Variants in SETBP1 observed in about 807,000 individuals in gnomAD.
SETBP1 encodes the protein SET-binding protein.
A neutral mutation model predicts 101.0 loss-of-function variants in SETBP1; 9 were observed. That is an observed-to-expected ratio of 0.09 (90% CI 0.05 to 0.16). The LOEUF (loss-of-function observed/expected upper bound fraction) is 0.16. Among genes scored for constraint, SETBP1 ranks in the 10% least tolerant of loss-of-function variants. SETBP1 has a pLI of 1.00. For missense variants in SETBP1, 1,858 were observed against 2,033.8 expected (o/e 0.91, Z 1.66); for synonymous variants, 818 against 788.5 (o/e 1.04, Z -0.63).
intron 3 of SETBP1, chr18:44,876,776 C>T: frequency 1.3e-6 from 2 of 1,489,962 alleles, no homozygotes; most frequent in Non-Finnish European, 1.8e-6. Flanking sequence ...TCTGCAAAGC[C>T]CACACCTGTG....
chr18:44,722,447 T>G (rs1190910451), intron 2 of SETBP1, among the ~76,000 whole-genome samples: 1 of 152,204 alleles, frequency 6.6e-6, no homozygotes, highest in African/African-American at 2.4e-5. Context: ...CAGCTTGTTA[T>G]AAGCTAAGGG....
intron 2 of SETBP1, among the ~76,000 whole-genome samples, chr18:44,785,420 G>A (rs2071220692): frequency 6.6e-6 from 1 of 152,204 alleles, no homozygotes; most frequent in Non-Finnish European, 1.5e-5. Context: ...TTGGAGGGAT[G>A]AGGTAGTGGA....
intron 2 of SETBP1, among the ~76,000 whole-genome samples, chr18:44,785,859 T>A (rs940564400): frequency 1.4e-4 from 21 of 152,214 alleles, no homozygotes; most frequent in African/African-American, 4.8e-4. Context: ...CCTGAAAGGA[T>A]GGTATCATTG....
intron 5 of SETBP1, among the ~76,000 whole-genome samples, chr18:45,044,762 G>T (rs557482972): frequency 6.6e-6 from 1 of 152,116 alleles, no homozygotes; most frequent in African/African-American, 2.4e-5. Flanking sequence ...TATTTCAAAG[G>T]TTCATTCAAC....
At chr18:44,965,982 C>T (rs2071713268) in intron 4 of SETBP1, among the ~76,000 whole-genome samples, 2 of 152,180 alleles carry the variant, frequency 1.3e-5, no homozygotes, top group African/African-American at 2.4e-5. Context: ...CTCTGTGCTT[C>T]ATTTTTCATT....
chr18:44,961,040 G>T (rs1054588700), intron 4 of SETBP1, among the ~76,000 whole-genome samples: 4 of 152,216 alleles, frequency 2.6e-5, no homozygotes, highest in Admixed American at 2.6e-4. Flanking sequence ...CCCAGCTGGT[G>T]TCCAGAATGA....
chr18:44,922,383 G>A (rs1260401512), intron 3 of SETBP1, among the ~76,000 whole-genome samples: 1 of 152,200 alleles, frequency 6.6e-6, no homozygotes, highest in Non-Finnish European at 1.5e-5. Context: ...TTGCAAAACG[G>A]ATGGTCTTTC....
chr18:44,887,691 A>G (rs2069680234), intron 3 of SETBP1, among the ~76,000 whole-genome samples: 1 of 152,190 alleles, frequency 6.6e-6, no homozygotes, highest in South Asian at 2.1e-4. Flanking sequence ...AGGACAAGCT[A>G]GGATCATCAG....
chr18:44,700,791 G>A lies in SETBP1; in HGVS notation c.-172-384G>A, dbSNP rs1368494680. Among the ~76,000 whole-genome samples, 2 of 152,254 alleles carry A rather than the reference G, an allele frequency of 1.3e-5. 1 individual carries two copies. Among genetic ancestry groups the A allele is most frequent in the South Asian group, 4.2e-4 (2 of 4,818 alleles). On this transcript the variant is annotated intron_variant, in intron 1 of 5. Coordinates refer to ENST00000649279, the MANE Select transcript of SETBP1 (RefSeq NM_015559.3). ...CGGTGCAAAAAGCCAACCAAATACAGTTCCAGCAGACCTGAGCCTCAACAC... is the reference window on the plus strand; with the variant it reads ...CGGTGCAAAAAGCCAACCAAATACAATTCCAGCAGACCTGAGCCTCAACAC...
intron 3 of SETBP1, among the ~76,000 whole-genome samples, chr18:44,887,296 G>A (rs1288229824): frequency 6.6e-6 from 1 of 152,112 alleles, no homozygotes; most frequent in Non-Finnish European, 1.5e-5. Flanking sequence ...GGACATGTTT[G>A]ATGACTGAAG....
intron 4 of SETBP1, among the ~76,000 whole-genome samples, chr18:45,029,559 G>C (rs1231605629): frequency 2.0e-5 from 3 of 152,124 alleles, no homozygotes; most frequent in Admixed American, 1.3e-4. Flanking sequence ...AAAGTCATTG[G>C]TAGCTTGATG....
chr18:44,817,478 G>A (rs1388886004), intron 2 of SETBP1, among the ~76,000 whole-genome samples: 3 of 152,136 alleles, frequency 2.0e-5, no homozygotes, highest in African/African-American at 7.2e-5. Context: ...CAGGTCAGGA[G>A]TTTGAGACCA....
chr18:44,954,673 A>G (rs2071445666), intron 4 of SETBP1, among the ~76,000 whole-genome samples: 1 of 152,208 alleles, frequency 6.6e-6, no homozygotes, highest in Non-Finnish European at 1.5e-5. Flanking sequence ...CTCCTTGGTT[A>G]ATGAAGAAAC....
At chr18:44,743,223 G>C (rs961865365) in intron 2 of SETBP1, among the ~76,000 whole-genome samples, 7 of 152,076 alleles carry the variant, frequency 4.6e-5, no homozygotes, top group Non-Finnish European at 1.0e-4. Flanking sequence ...AACAAGTGAG[G>C]CATGGCATAT....
chr18:44,684,347 T>C (rs1480112269), intron 1 of SETBP1, among the ~76,000 whole-genome samples: 1 of 152,206 alleles, frequency 6.6e-6, no homozygotes, highest in East Asian at 1.9e-4. Flanking sequence ...CCACAGACTA[T>C]AATTCGTGAA....
chr18:44,797,496 G>A (rs1246631063), intron 2 of SETBP1, among the ~76,000 whole-genome samples: 1 of 152,262 alleles, frequency 6.6e-6, no homozygotes, highest in Non-Finnish European at 1.5e-5. Context: ...ATGATGAAAA[G>A]CACCAAGCCA....
chr18:45,014,647 G>A (rs776278440), intron 4 of SETBP1, among the ~76,000 whole-genome samples: 6 of 152,052 alleles, frequency 3.9e-5, no homozygotes, highest in African/African-American at 7.2e-5. Context: ...AACAAGGACC[G>A]TATGGCATTG....
intron 2 of SETBP1, among the ~76,000 whole-genome samples, chr18:44,716,421 C>T (rs373323156): frequency 2.0e-5 from 3 of 152,304 alleles, no homozygotes; most frequent in East Asian, 1.9e-4. Flanking sequence ...AAGTCACACC[C>T]GGATCCTACT....
chr18:44,797,814 C>A (rs1430915463), intron 2 of SETBP1, among the ~76,000 whole-genome samples: 1 of 151,996 alleles, frequency 6.6e-6, no homozygotes, highest in Non-Finnish European at 1.5e-5. Flanking sequence ...ATATTTTGCC[C>A]ACAATTATAC....
Sources: gnomAD v4.1 joint callset for allele counts (sites outside exome capture counted in the v4.1 genomes callset) on GRCh38, gnomAD v4.1.1 for gene constraint, MANE v1.5 for transcripts, NCBI Gene and HGNC (gene_info 2026-07-23, HGNC 2026-07-21) for gene names.